Variants in ARHGAP22 observed in about 807,000 individuals in gnomAD.
ARHGAP22 encodes Rho GTPase activating protein 22.
A neutral mutation model predicts 59.1 loss-of-function variants in ARHGAP22; 48 were observed. The observed-to-expected ratio is 0.81, with a 90% CI of 0.64 to 1.03. The LOEUF is 1.03. Ranked by LOEUF, ARHGAP22 falls within the 50% of genes least tolerant of loss-of-function variation. The pLI, the probability that ARHGAP22 is intolerant of heterozygous loss-of-function variation, is 0.00. For synonymous variants in ARHGAP22, 445 were observed against 416.4 expected, an observed-to-expected ratio of 1.07 and a Z score of -0.84; for missense variants, 1,015 against 958.7, an observed-to-expected ratio of 1.06 and a Z score of -0.78.
upstream of ARHGAP22, chr10:48,652,621 A>T: frequency 3.1e-6 from 1 of 319,414 alleles, no homozygotes; most frequent in Non-Finnish European, 5.8e-6. Context: ...AGAAGTGGAA[A>T]GAAGGGGCTT....
intron 2 of ARHGAP22, among the ~76,000 whole-genome samples, chr10:48,574,236 T>TCA (rs1404952514): frequency 5.0e-4 from 66 of 131,684 alleles, no homozygotes; most frequent in East Asian, 2.5e-3. Context: ...TTTTTCTCAT[T>TCA]TATTCATTCA....
intron 5 of ARHGAP22, among the ~76,000 whole-genome samples, chr10:48,458,362 C>T (rs1392293059): frequency 1.3e-5 from 2 of 152,052 alleles, no homozygotes; most frequent in Admixed American, 6.5e-5. Context: ...CTCAAGGGGG[C>T]TTCAGCAGGC....
chr10:48,508,453 G>A (rs530069505), intron 3 of ARHGAP22, among the ~76,000 whole-genome samples: 1 of 152,356 alleles, frequency 6.6e-6, no homozygotes, highest in South Asian at 2.1e-4. Context: ...CACCCGGGAG[G>A]GGGTCCCATC....
chr10:48,590,044 A>G (rs552146690), intron 1 of ARHGAP22, among the ~76,000 whole-genome samples: 239 of 152,148 alleles, frequency 1.6e-3, no homozygotes, highest in African/African-American at 5.6e-3. Flanking sequence ...AAGCAGGTAA[A>G]CCACGCCAAG....
intron 1 of ARHGAP22, chr10:48,652,125 G>T: frequency 1.9e-6 from 2 of 1,033,618 alleles, no homozygotes; most frequent in Non-Finnish European, 1.4e-6. Flanking sequence ...GATGCCGCCT[G>T]GTGCTCTCAG....
chr10:48,620,650 T>TA (rs2061253241), intron 1 of ARHGAP22, among the ~76,000 whole-genome samples: 1 of 152,116 alleles, frequency 6.6e-6, no homozygotes, highest in Non-Finnish European at 1.5e-5. Flanking sequence ...CATGCTGGGG[T>TA]ATAAGCTGAA....
chr10:48,482,483 T>A (rs951479581), intron 3 of ARHGAP22, among the ~76,000 whole-genome samples: 5 of 152,100 alleles, frequency 3.3e-5, no homozygotes, highest in Admixed American at 2.0e-4. Flanking sequence ...GAGCCTCAAA[T>A]ACCATGTTGA....
At chr10:48,607,312 T>C (rs2060715164), upstream of ARHGAP22, among the ~76,000 whole-genome samples, 1 of 152,194 alleles carries the variant, frequency 6.6e-6, no homozygotes, top group African/African-American at 2.4e-5. Flanking sequence ...AGAGCTGGGC[T>C]CACACCCCAG....
Position 48,450,558 on chromosome 10 carries a change from C to A in ARHGAP22, c.1571G>T (p.Gly524Val). 1 of 1,525,178 alleles carries A rather than the reference C, an allele frequency of 6.6e-7. No individual in the cohort carries two copies. The highest frequency in any genetic ancestry group is 1.2e-5 in the South Asian group (1 of 80,422). The allele number at this position is 1,525,178 out of a possible 1,614,324, so 94.5% of individuals were successfully genotyped here. A position where few individuals can be genotyped will look rare whatever the true frequency, so the allele number is the denominator to read the frequency against. ...GASSSESSVGGSLSSCTACRA... is the reference protein window; with the variant it reads ...GASSSESSVGVSLSSCTACRA... ...GCAGGCCGTGCAGCTGCTGAGTGAG[C>A]CCCCCACCGACGACTCGCTGGACGA... Residue 524 changes from glycine to valine, a missense_variant, in exon 9 of 10, where the codon GGC becomes GTC. By Grantham distance (109) the Gly-to-Val change is moderately radical. Transcript: ENST00000249601.
chr10:48,535,540 C>A (rs936217860), intron 3 of ARHGAP22, among the ~76,000 whole-genome samples: 1 of 152,198 alleles, frequency 6.6e-6, no homozygotes, highest in African/African-American at 2.4e-5. Flanking sequence ...TTTCCTTGAC[C>A]AGGGTTTAGT....
chr10:48,502,554 A>T (rs1255265706), intron 3 of ARHGAP22, among the ~76,000 whole-genome samples: 1 of 152,162 alleles, frequency 6.6e-6, no homozygotes, highest in Non-Finnish European at 1.5e-5. Flanking sequence ...CGGACACTCC[A>T]GGTGCCCTGC....
intron 4 of ARHGAP22, among the ~76,000 whole-genome samples, chr10:48,466,904 G>A (rs913912871): frequency 2.6e-5 from 4 of 152,168 alleles, no homozygotes; most frequent in Non-Finnish European, 2.9e-5. Flanking sequence ...CCACGTTCCC[G>A]GGCACCGCAG....
intron 3 of ARHGAP22, among the ~76,000 whole-genome samples, chr10:48,549,206 A>G (rs935270): frequency 0.56 from 85,616 of 152,048 alleles, 24,907 homozygotes; most frequent in East Asian, 0.97. Context: ...TCCAAGCCCT[A>G]TGTTCCCAGG....
chr10:48,478,627 C>T lies in ARHGAP22; in HGVS notation c.451+1009G>A, dbSNP rs138514385. Among the ~76,000 whole-genome samples the T allele has an allele frequency of 3.0e-3, 452 of 152,332 alleles. 2 individuals carry two copies. The highest frequency in any genetic ancestry group is 9.0e-3 in the African/African-American group (374 of 41,574). On this transcript the variant is annotated intron_variant, in intron 4 of 9. Coordinates refer to ENST00000249601, the MANE Select transcript of ARHGAP22 (RefSeq NM_021226.4). ...CCAGTCTCCACATTCAGCAGGGAGT[C>T]GGTGGCCCTGGCCCCAATGCCATGG... is the stretch of plus-strand genomic sequence containing the variant.
At chr10:48,520,702 A>T (rs1166928100) in intron 3 of ARHGAP22, among the ~76,000 whole-genome samples, 1 of 151,998 alleles carries the variant, frequency 6.6e-6, no homozygotes, top group Non-Finnish European at 1.5e-5. Context: ...GAGGGTGAGG[A>T]TGTCGGGAAG....
chr10:48,437,462 TACTC>T, the ARHGAP22 span: 20 of 152,222 alleles, frequency 1.3e-4, no homozygotes, highest in African/African-American at 4.8e-4. Context: ...ATACTTAATA[TACTC>T]ACTGTCTTAC....
At chr10:48,530,327 A>G (rs1487898762) in intron 3 of ARHGAP22, among the ~76,000 whole-genome samples, 1 of 152,026 alleles carries the variant, frequency 6.6e-6, no homozygotes, top group Non-Finnish European at 1.5e-5. Flanking sequence ...AGAAGATAAC[A>G]TTGGAAAAAC....
At chr10:48,437,736 G>A in the ARHGAP22 span, 1 of 152,192 alleles carries the variant, frequency 6.6e-6, no homozygotes, top group African/African-American at 2.4e-5. Flanking sequence ...GCACTCTTCC[G>A]AGTTGGTAAA....
chr10:48,585,703 G>C (rs992543316), intron 1 of ARHGAP22, among the ~76,000 whole-genome samples: 1 of 152,136 alleles, frequency 6.6e-6, no homozygotes, highest in African/African-American at 2.4e-5. Context: ...GACTGTCTAG[G>C]TCCTCACCCG....
Sources: allele counts gnomAD v4.1 joint callset (sites outside exome capture counted in the v4.1 genomes callset), GRCh38; gene constraint gnomAD v4.1.1; transcripts MANE v1.5; gene names NCBI Gene and HGNC (gene_info 2026-07-23, HGNC 2026-07-21).